ADAM12: variants seen among roughly 807,000 people sequenced by gnomAD.
ADAM12 encodes ADAM metallopeptidase domain 12, also known as disintegrin and metalloproteinase domain-containing protein 12.
Under a neutral mutation model 106.4 loss-of-function variants are expected in ADAM12, and 70 were observed. The observed-to-expected ratio is 0.66, with a 90% CI of 0.54 to 0.80. ADAM12 has a LOEUF of 0.80. ADAM12 is among the 30% of genes least tolerant of loss of function. ADAM12 has a pLI of 0.00. For missense variants in ADAM12, 1,010 were observed against 1,171.9 expected (o/e 0.86, Z 2.02); for synonymous variants, 420 against 433.5 (o/e 0.97, Z 0.39).
chr10:126,175,821 G>C (rs1957210284), intron 3 of ADAM12, among the ~76,000 whole-genome samples: 1 of 152,236 alleles, frequency 6.6e-6, no homozygotes, highest in Admixed American at 6.5e-5. Flanking sequence ...TTGGAAGGAG[G>C]GGAAAGGCTC....
chr10:126,373,600 G>T (rs1856186254), intron 1 of ADAM12, among the ~76,000 whole-genome samples: 1 of 152,162 alleles, frequency 6.6e-6, no homozygotes, highest in African/African-American at 2.4e-5. Context: ...CCCAGTTCCT[G>T]GCACAAATCT....
In ADAM12 at chr10:126,388,197, C is replaced by T. The variant is rs1373938249; in HGVS notation, c.-52G>A. 1 of 1,199,570 alleles carries T rather than the reference C, an allele frequency of 8.3e-7. No individual in the cohort carries two copies. Among genetic ancestry groups the T allele is most frequent in the Non-Finnish European group, 1.0e-6 (1 of 967,010 alleles). The allele number at this position is 1,199,570 out of a possible 1,614,324, so 74.3% of individuals were successfully genotyped here. A position where few individuals can be genotyped will look rare whatever the true frequency, so the allele number is the denominator to read the frequency against. On this transcript the variant is annotated 5_prime_UTR_variant, in exon 1 of 23. It adds an upstream start codon to the 5' untranslated region. Coordinates refer to ENST00000448723, the MANE Select transcript of ADAM12 (RefSeq NM_001288973.2). This position sits in a 1 kb window ranked among gnomAD's most constrained non-coding sequence, Gnocchi z 4.4. ...CTCGGGCCCGGCGGCGAGCGCTGCA[C>T]CATCCCACGCGGGCGCCGAGCCGGG...
chr10:126,316,714 A>G (rs919493733), intron 2 of ADAM12, among the ~76,000 whole-genome samples: 1 of 151,278 alleles, frequency 6.6e-6, no homozygotes, highest in African/African-American at 2.4e-5. Flanking sequence ...TTTTTAAATT[A>G]GCCAGGGGTG....
intron 3 of ADAM12, among the ~76,000 whole-genome samples, chr10:126,178,408 C>CTTTTTTTTTTTTTTTTTTTTTTTTTTTT (rs10549268): frequency 9.6e-6 from 1 of 103,898 alleles, no homozygotes; most frequent in Non-Finnish European, 2.0e-5. Flanking sequence ...TGGAGGACAT[C>CTTTTTTTTTTTTTTTTTTTTTTTTTTTT]TTTTTTTTTT....
intron 3 of ADAM12, among the ~76,000 whole-genome samples, chr10:126,178,330 A>C (rs1385586526): frequency 6.6e-6 from 1 of 152,052 alleles, no homozygotes; most frequent in East Asian, 1.9e-4. Context: ...CTTAAACTCA[A>C]ATTAATAAAA....
chr10:126,178,408 CTTTTTT>C (rs10549268), intron 3 of ADAM12, among the ~76,000 whole-genome samples: 19,142 of 104,410 alleles, frequency 0.18, 1,234 homozygotes, highest in East Asian at 0.34. Context: ...TGGAGGACAT[CTTTTTT>C]TTTTTTTTTT....
chr10:126,123,165 C>T (rs1157393277), intron 5 of ADAM12, among the ~76,000 whole-genome samples: 1 of 152,126 alleles, frequency 6.6e-6, no homozygotes, highest in African/African-American at 2.4e-5. Flanking sequence ...TCATTTAGCT[C>T]TAAAGAATTG....
At chr10:126,100,649 A>T (rs1296492148) in intron 9 of ADAM12, among the ~76,000 whole-genome samples, 1 of 152,126 alleles carries the variant, frequency 6.6e-6, no homozygotes, top group Non-Finnish European at 1.5e-5. Flanking sequence ...AGGGAGCTGG[A>T]GGTTGCAGTG....
chr10:126,285,975 A>ATTTTTTTTTTT (rs55733951), intron 2 of ADAM12, among the ~76,000 whole-genome samples: 1 of 142,174 alleles, frequency 7.0e-6, no homozygotes, highest in African/African-American at 2.6e-5. Context: ...TGATTTCCCT[A>ATTTTTTTTTTT]TTTTTTTTTT....
Position 126,267,380 on chromosome 10 carries a change from C to T in ADAM12, c.260+11535G>A, listed in dbSNP as rs1285171908. On this transcript the variant is annotated intron_variant, in intron 3 of 22. Coordinates refer to ENST00000448723, the MANE Select transcript of ADAM12 (RefSeq NM_001288973.2). Reference sequence around the variant, plus strand: ...ATTGTGTACTTTATTTCTATTATTACATTGTAATATATAATGAAATAATTA... The same window carrying T: ...ATTGTGTACTTTATTTCTATTATTATATTGTAATATATAATGAAATAATTA... Among the ~76,000 whole-genome samples, 3 of 152,310 alleles carry T rather than the reference C, an allele frequency of 2.0e-5. No individual in the cohort carries two copies. The East Asian group carries it at 5.8e-4, about 29-fold the overall frequency.
intron 3 of ADAM12, among the ~76,000 whole-genome samples, chr10:126,170,924 T>A (rs1674941): frequency 4.1e-4 from 63 of 152,142 alleles, no homozygotes; most frequent in African/African-American, 1.4e-3. Context: ...TAAGATCTAA[T>A]GCTGTCGAGA....
At chr10:126,101,037 T>C (rs79010435) in intron 9 of ADAM12, 35 bp downstream of exon 9, 15 of 1,287,616 alleles carry the variant, frequency 1.2e-5, no homozygotes, top group Non-Finnish European at 1.4e-5. Flanking sequence ...AGAGCACTCC[T>C]TTTTTTTTTA....
intron 1 of ADAM12, among the ~76,000 whole-genome samples, chr10:126,366,052 A>G (rs922610893): frequency 2.6e-5 from 4 of 152,212 alleles, no homozygotes; most frequent in Non-Finnish European, 5.9e-5. Flanking sequence ...AAATAGCAAT[A>G]ATTAAGCATA....
chr10:126,224,196 GC>G (rs1958148802), intron 3 of ADAM12, among the ~76,000 whole-genome samples: 1 of 152,094 alleles, frequency 6.6e-6, no homozygotes, highest in South Asian at 2.1e-4. Flanking sequence ...CTGACTTGGG[GC>G]CCCTCCTCCT....
intron 21 of ADAM12, among the ~76,000 whole-genome samples, chr10:126,028,961 C>T (rs1269818695): frequency 6.6e-6 from 1 of 152,144 alleles, no homozygotes; most frequent in African/African-American, 2.4e-5. Context: ...ACAGACACTT[C>T]TCAAAAGAAG....
At chr10:126,213,900 A>C (rs1957942573) in intron 3 of ADAM12, among the ~76,000 whole-genome samples, 1 of 152,212 alleles carries the variant, frequency 6.6e-6, no homozygotes, top group Non-Finnish European at 1.5e-5. Context: ...AATTAAAGCA[A>C]GTTCCTTCTA....
At chr10:126,353,057 C>T (rs1855415472) in intron 1 of ADAM12, among the ~76,000 whole-genome samples, 1 of 152,202 alleles carries the variant, frequency 6.6e-6, no homozygotes, top group African/African-American at 2.4e-5. Flanking sequence ...CCAGAACATC[C>T]TTCCTCCCAT....
chr10:126,144,375 C>CGT (rs1956585928), intron 4 of ADAM12, among the ~76,000 whole-genome samples: 4 of 152,176 alleles, frequency 2.6e-5, no homozygotes, highest in Non-Finnish European at 5.9e-5. Context: ...GGCATTGTTA[C>CGT]AAATCTGGAA....
intron 1 of ADAM12, among the ~76,000 whole-genome samples, chr10:126,354,034 C>A (rs1382495985): frequency 6.9e-6 from 1 of 144,836 alleles, no homozygotes; most frequent in Non-Finnish European, 1.5e-5. Context: ...TGTTAACAAG[C>A]TTTTTTTTTT....
Sources: gnomAD v4.1 joint callset for allele counts (sites outside exome capture counted in the v4.1 genomes callset) on GRCh38, gnomAD v4.1.1 for gene constraint, Gnocchi (gnomAD v3.1) non-coding constraint, MANE v1.5 for transcripts, NCBI Gene and HGNC (gene_info 2026-07-23, HGNC 2026-07-21) for gene names.